The following KCNQ3 variants were observed in gnomAD, a reference collection of about 807,000 sequenced individuals.
KCNQ3 encodes the protein potassium voltage-gated channel subfamily KQT member 3.
A neutral mutation model predicts 92.5 loss-of-function variants in KCNQ3; 30 were observed. The ratio of observed to expected loss-of-function variants is 0.32; its 90% CI spans 0.24 to 0.44. KCNQ3 has a LOEUF of 0.44. Ranked by LOEUF, KCNQ3 falls within the 20% of genes least tolerant of loss-of-function variation. The pLI, the probability that KCNQ3 is intolerant of heterozygous loss-of-function variation, is 1.00. For missense variants in KCNQ3, 913 were observed against 1,140.3 expected, an observed-to-expected ratio of 0.80 and a Z score of 2.87; for synonymous variants, 450 against 468.8, an observed-to-expected ratio of 0.96 and a Z score of 0.52.
chr8:132,297,533 C>A (rs986388295), intron 1 of KCNQ3, among the ~76,000 whole-genome samples: 1 of 152,104 alleles, frequency 6.6e-6, no homozygotes, highest in Non-Finnish European at 1.5e-5. Flanking sequence ...TTTCCTAGAG[C>A]CTTTCCCACT....
At chr8:132,316,857 G>T (rs998942057) in intron 1 of KCNQ3, among the ~76,000 whole-genome samples, 2 of 152,096 alleles carry the variant, frequency 1.3e-5, no homozygotes, top group African/African-American at 4.8e-5. Flanking sequence ...TATCACTTTT[G>T]GTTTTCAGCA....
chr8:132,263,954 G>A (rs1443370175), intron 1 of KCNQ3, among the ~76,000 whole-genome samples: 4 of 152,136 alleles, frequency 2.6e-5, no homozygotes, highest in East Asian at 1.9e-4. Context: ...TTCTCCTTAT[G>A]TAACCTGAGA....
chr8:132,206,584 G>A (rs1813665310), intron 1 of KCNQ3, among the ~76,000 whole-genome samples: 1 of 152,146 alleles, frequency 6.6e-6, no homozygotes, highest in Non-Finnish European at 1.5e-5. Context: ...TATTATTAAA[G>A]CATATCTAGA....
intron 1 of KCNQ3, among the ~76,000 whole-genome samples, chr8:132,331,603 C>T (rs568531773): frequency 3.9e-4 from 60 of 152,332 alleles, no homozygotes; most frequent in African/African-American, 1.3e-3. Context: ...CCTCTTCCTC[C>T]TCCTCCTGCT....
At chr8:132,342,190 T>G (rs563447620) in intron 1 of KCNQ3, among the ~76,000 whole-genome samples, 1 of 152,282 alleles carries the variant, frequency 6.6e-6, no homozygotes, top group East Asian at 1.9e-4. Context: ...TTTGATTGCC[T>G]CTAGCTCAAA....
chr8:132,352,611 G>A (rs909384591), intron 1 of KCNQ3, among the ~76,000 whole-genome samples: 2 of 152,162 alleles, frequency 1.3e-5, no homozygotes, highest in African/African-American at 2.4e-5. Context: ...GTGACAGATC[G>A]GACCGCAAGG....
At chr8:132,444,437 G>A (rs1451552000) in intron 1 of KCNQ3, among the ~76,000 whole-genome samples, 2 of 152,162 alleles carry the variant, frequency 1.3e-5, no homozygotes, top group South Asian at 2.1e-4. Context: ...TCCAAATAAT[G>A]AGGCACAAAC....
chr8:132,320,403 T>G (rs984807050), intron 1 of KCNQ3, among the ~76,000 whole-genome samples: 6 of 152,284 alleles, frequency 3.9e-5, no homozygotes, highest in Non-Finnish European at 8.8e-5. Flanking sequence ...GGAGATGGTC[T>G]TTCTTGCCTG....
chr8:132,324,027 T>C (rs79832776), intron 1 of KCNQ3, among the ~76,000 whole-genome samples: 2,068 of 152,276 alleles, frequency 0.014, 17 homozygotes, highest in Non-Finnish European at 0.021. Flanking sequence ...CCACACTGCT[T>C]ACGGTTTCTC....
intron 1 of KCNQ3, among the ~76,000 whole-genome samples, chr8:132,299,919 A>G (rs954799557): frequency 2.6e-5 from 4 of 152,250 alleles, no homozygotes; most frequent in Non-Finnish European, 4.4e-5. Context: ...TGGCTTCTAA[A>G]GAGGCCATGT....
intron 1 of KCNQ3, among the ~76,000 whole-genome samples, chr8:132,296,687 G>A (rs1817038610): frequency 6.6e-6 from 1 of 152,204 alleles, no homozygotes; most frequent in East Asian, 1.9e-4. Flanking sequence ...ATGGTTTCCA[G>A]TTTCATCCAT....
intron 9 of KCNQ3, among the ~76,000 whole-genome samples, chr8:132,147,748 G>T (rs2130955340): frequency 6.6e-6 from 1 of 152,334 alleles, no homozygotes; most frequent in South Asian, 2.1e-4. Context: ...TTCGAAGAAA[G>T]GGTTAATCTG....
intron 8 of KCNQ3, among the ~76,000 whole-genome samples, chr8:132,165,484 G>T (rs753025434): frequency 7.9e-5 from 12 of 152,202 alleles, no homozygotes; most frequent in Non-Finnish European, 1.3e-4. Flanking sequence ...GTAATTCGGA[G>T]GCTTCCTTTC....
chr8:132,362,751 G>A (rs552848175), intron 1 of KCNQ3, among the ~76,000 whole-genome samples: 2 of 152,294 alleles, frequency 1.3e-5, no homozygotes, highest in Admixed American at 6.5e-5. Flanking sequence ...GCAAAGACAA[G>A]CAGGCTTGAA....
chr8:132,299,473 C>T (rs964689728), intron 1 of KCNQ3, among the ~76,000 whole-genome samples: 11 of 152,196 alleles, frequency 7.2e-5, no homozygotes, highest in East Asian at 5.8e-4. Flanking sequence ...TTGAGACCCA[C>T]GGGGGATGTT....
chr8:132,417,899 A>C (rs1228494549), intron 1 of KCNQ3, among the ~76,000 whole-genome samples: 1 of 152,208 alleles, frequency 6.6e-6, no homozygotes, highest in Non-Finnish European at 1.5e-5. Flanking sequence ...GAGAGGATGC[A>C]GGTCTGGAGA....
At chr8:132,296,635 C>T (rs1411919989) in intron 1 of KCNQ3, among the ~76,000 whole-genome samples, 5 of 151,312 alleles carry the variant, frequency 3.3e-5, no homozygotes, top group African/African-American at 1.2e-4. Context: ...TGAGAATATG[C>T]GGTGTTTGGT....
intron 1 of KCNQ3, among the ~76,000 whole-genome samples, chr8:132,446,317 C>T (rs1449541049): frequency 6.6e-6 from 1 of 152,210 alleles, no homozygotes; most frequent in Non-Finnish European, 1.5e-5. Flanking sequence ...TGCAAAACAG[C>T]TTGGCAAACT....
chr8:132,258,844 T>G (rs569365062), intron 1 of KCNQ3, among the ~76,000 whole-genome samples: 1 of 151,792 alleles, frequency 6.6e-6, no homozygotes, highest in African/African-American at 2.4e-5. Context: ...CTTAAAGAAA[T>G]AAAGAGAATT....
Sources: gnomAD v4.1 joint callset for allele counts (sites outside exome capture counted in the v4.1 genomes callset) on GRCh38, gnomAD v4.1.1 for gene constraint, MANE v1.5 for transcripts, NCBI Gene and HGNC (gene_info 2026-07-23, HGNC 2026-07-21) for gene names.